Variants in PTPRJ observed in about 807,000 individuals in gnomAD.
PTPRJ encodes the protein receptor-type tyrosine-protein phosphatase eta.
Under a neutral mutation model 141.3 loss-of-function variants are expected in PTPRJ, and 129 were observed. The ratio of observed to expected loss-of-function variants is 0.91; its 90% CI spans 0.79 to 1.06. PTPRJ has a LOEUF of 1.06. Ranked by LOEUF, PTPRJ falls within the 50% of genes least tolerant of loss-of-function variation. The probability of loss-of-function intolerance (pLI) is 0.00; values close to 1 mark genes in which losing one functional copy is unlikely to be tolerated. For synonymous variants in PTPRJ, 610 were observed against 640.5 expected (o/e 0.95, Z 0.72); for missense variants, 1,601 against 1,679.7 (o/e 0.95, Z 0.82).
chr11:47,984,053 G>A (rs971763188), intron 1 of PTPRJ, among the ~76,000 whole-genome samples: 5 of 152,134 alleles, frequency 3.3e-5, no homozygotes, highest in African/African-American at 9.7e-5. Context: ...TCAGGACAAC[G>A]GGAAAACCAA....
intron 1 of PTPRJ, among the ~76,000 whole-genome samples, chr11:48,090,932 C>T (rs1200508436): frequency 6.6e-6 from 1 of 152,188 alleles, no homozygotes; most frequent in East Asian, 1.9e-4. Context: ...GAAAGGCACC[C>T]AGCCTGCCCC....
At chr11:47,984,854 C>T (rs539341134) in intron 1 of PTPRJ, among the ~76,000 whole-genome samples, 6 of 149,592 alleles carry the variant, frequency 4.0e-5, no homozygotes, top group South Asian at 2.1e-4. Context: ...CCACTGTGCC[C>T]GGCCTTTTTT....
intron 12 of PTPRJ, 77 bp from the exon 13 acceptor site, chr11:48,144,598 C>A (rs1394394489): frequency 6.8e-6 from 8 of 1,178,458 alleles, no homozygotes; most frequent in Non-Finnish European, 1.0e-5. Context: ...CCAACATCAC[C>A]ACCATGTAGA....
chr11:48,087,772 C>T (rs997213242), intron 1 of PTPRJ, among the ~76,000 whole-genome samples: 1 of 152,136 alleles, frequency 6.6e-6, no homozygotes, highest in African/African-American at 2.4e-5. Flanking sequence ...GGATACCTAC[C>T]CAAGGGGTTC....
intron 1 of PTPRJ, among the ~76,000 whole-genome samples, chr11:48,019,661 C>G (rs1855057453): frequency 6.6e-6 from 1 of 152,150 alleles, no homozygotes; most frequent in Admixed American, 6.5e-5. Flanking sequence ...CTTTCCCCTT[C>G]TAATTATTTA....
intron 1 of PTPRJ, among the ~76,000 whole-genome samples, chr11:48,070,012 C>T (rs1269311949): frequency 6.6e-6 from 1 of 152,112 alleles, no homozygotes; most frequent in Non-Finnish European, 1.5e-5. Flanking sequence ...ATATAATGAA[C>T]AAAAGTGATA....
chr11:48,021,589 T>C (rs1489049979), intron 1 of PTPRJ, among the ~76,000 whole-genome samples: 2 of 151,868 alleles, frequency 1.3e-5, no homozygotes, highest in African/African-American at 4.8e-5. Flanking sequence ...ATTTCAGCCA[T>C]TGTGTAGATT....
At chr11:48,136,604 T>TA (rs139873787) in intron 9 of PTPRJ, among the ~76,000 whole-genome samples, 4,669 of 152,344 alleles carry the variant, frequency 0.031, 108 homozygotes, top group Non-Finnish European at 0.047. Flanking sequence ...TATTGGAAGA[T>TA]ACTGCCCAGA....
chr11:48,047,098 T>C (rs1197233714), intron 1 of PTPRJ, among the ~76,000 whole-genome samples: 1 of 151,474 alleles, frequency 6.6e-6, no homozygotes, highest in Non-Finnish European at 1.5e-5. Flanking sequence ...GTATTTTTAC[T>C]AGAGATGGGG....
rs1392645128 is a variant in PTPRJ at position 48,125,163 on chromosome 11, C to A, written c.1070C>A (p.Pro357His). Reference sequence around the variant, plus strand: ...GCAGCGAATGGCACAGAAGGACAGCCCCAGGCCATAGAGTTCAGGACAAGT... The same window carrying A: ...GCAGCGAATGGCACAGAAGGACAGCACCAGGCCATAGAGTTCAGGACAAGT... The part of the protein sequence containing the change: ...SQAANGTEGQ[P>H]QAIEFRTNAI... The change falls in exon 6 of 25, where the codon CCC (proline) becomes CAC (histidine). Residue 357 changes from proline (P) to histidine (H), a missense_variant. Coordinates refer to ENST00000418331, the MANE Select transcript of PTPRJ (RefSeq NM_002843.4). 6.2e-7 allele frequency: 1 copy of A among 1,614,064 alleles called. No homozygotes were observed. The highest frequency in any genetic ancestry group is 8.5e-7 in the Non-Finnish European group (1 of 1,180,018).
At chr11:47,994,654 G>A (rs188491644) in intron 1 of PTPRJ, among the ~76,000 whole-genome samples, 129 of 152,118 alleles carry the variant, frequency 8.5e-4, no homozygotes, top group African/African-American at 2.9e-3. Context: ...TGCAGGGTGA[G>A]ATTCTGTCTC....
At position 48,110,056 on chromosome 11, in the gene PTPRJ, A is replaced by C. The variant is rs758226104; in HGVS notation, c.97-2A>C. On this transcript the variant is annotated splice_acceptor_variant, in intron 1 of 24. Coordinates refer to ENST00000418331, the MANE Select transcript of PTPRJ (RefSeq NM_002843.4). LOFTEE classifies it high-confidence loss of function. ...GACTTCCGTTTTCTTTTTCTGTTTC[A>C]GATCCTGTGCGCAGGTGGCAGTGAG... 1.2e-6 allele frequency: 2 copies of C among 1,613,962 alleles called. No individual in the cohort carries two copies. Among genetic ancestry groups the C allele is most frequent in the Non-Finnish European group, 1.7e-6 (2 of 1,179,880 alleles).
intron 1 of PTPRJ, among the ~76,000 whole-genome samples, chr11:48,034,255 C>A (rs1854064844): frequency 6.6e-6 from 1 of 152,138 alleles, no homozygotes; most frequent in Non-Finnish European, 1.5e-5. Context: ...AGAAAAAGAA[C>A]AAGTGGTTAT....
chr11:47,988,923 T>C (rs1197648571), intron 1 of PTPRJ, among the ~76,000 whole-genome samples: 1 of 142,420 alleles, frequency 7.0e-6, no homozygotes, highest in East Asian at 2.1e-4. Flanking sequence ...AGTCTTGCTC[T>C]GTTGCCCAGG....
chr11:48,155,479 T>A (rs1416580112), intron 19 of PTPRJ, among the ~76,000 whole-genome samples: 1 of 152,206 alleles, frequency 6.6e-6, no homozygotes, highest in African/African-American at 2.4e-5. Context: ...CTGAGGATGC[T>A]AATAGTAACA....
Position 48,145,052 on chromosome 11 carries a change from C to T in PTPRJ, c.2839C>T (p.Leu947Phe). The change falls in exon 14 of 25, where the codon CTC becomes TTC. Residue 947 changes from leucine (L) to phenylalanine (F), a missense_variant. Leu to Phe is a conservative substitution (Grantham distance 22, BLOSUM62 0). Coordinates refer to ENST00000418331, the MANE Select transcript of PTPRJ (RefSeq NM_002843.4). ...NITFHPQNKG[L>F]IDGAESYVSF... ...TACCTTCCACCCTCAAAACAAGGGG[C>T]TCATTGATGGGGCTGAGAGCTATGT... is the stretch of plus-strand genomic sequence containing the variant. The T allele has an allele frequency of 2.5e-6, 4 of 1,614,188 alleles. No homozygotes were observed. Among genetic ancestry groups the T allele is most frequent in the Non-Finnish European group, 3.4e-6 (4 of 1,180,032 alleles).
At chr11:48,068,747 G>C (rs1378310390) in intron 1 of PTPRJ, among the ~76,000 whole-genome samples, 1 of 152,158 alleles carries the variant, frequency 6.6e-6, no homozygotes, top group African/African-American at 2.4e-5. Flanking sequence ...GTCCATGCAC[G>C]GAATCTGGCC....
chr11:48,144,268 A>G (rs1384848987), intron 12 of PTPRJ, among the ~76,000 whole-genome samples: 1 of 152,204 alleles, frequency 6.6e-6, no homozygotes, highest in Non-Finnish European at 1.5e-5. Flanking sequence ...GATGCTTGTC[A>G]GCAAGTCCCA....
At chr11:48,151,011 A>G (rs898047332) in intron 18 of PTPRJ, among the ~76,000 whole-genome samples, 1 of 152,090 alleles carries the variant, frequency 6.6e-6, no homozygotes, top group African/African-American at 2.4e-5. Context: ...CCTTTTTGTA[A>G]TGTTAGTTTT....
Sources: gnomAD v4.1 joint callset for allele counts (sites outside exome capture counted in the v4.1 genomes callset) on GRCh38, gnomAD v4.1.1 for gene constraint, MANE v1.5 for transcripts, NCBI Gene and HGNC (gene_info 2026-07-23, HGNC 2026-07-21) for gene names.